The following HUWE1 variants were observed in gnomAD, a reference collection of about 807,000 sequenced individuals.
The protein encoded by HUWE1 is HECT, UBA and WWE domain containing E3 ubiquitin protein ligase 1, also known as E3 ubiquitin-protein ligase HUWE1.
A neutral mutation model predicts 299.4 loss-of-function variants in HUWE1; 18 were observed. That is an observed-to-expected ratio of 0.06 (90% CI 0.04 to 0.09). HUWE1 has a LOEUF of 0.09. Among genes scored for constraint, HUWE1 ranks in the 10% least tolerant of loss-of-function variants. The probability of loss-of-function intolerance (pLI) is 1.00; values close to 1 mark genes in which losing one functional copy is unlikely to be tolerated. For missense variants in HUWE1, 1,832 were observed against 3,462.3 expected, an observed-to-expected ratio of 0.53 and a Z score of 11.82; for synonymous variants, 1,317 against 1,286.1, an observed-to-expected ratio of 1.02 and a Z score of -0.51.
rs1005759774 is a variant in HUWE1, at chrX:53,686,609, G to A, written c.-283C>T. Reference sequence around the variant, plus strand: ...TCACCTCGGCCGCAATGGCTCCGCGGGGCCCGCAGGAGCGTGCGGGGTCCG... The same window carrying A: ...TCACCTCGGCCGCAATGGCTCCGCGAGGCCCGCAGGAGCGTGCGGGGTCCG... On this transcript the variant is annotated 5_prime_UTR_variant, in exon 1 of 84. Transcript: ENST00000262854. The A allele has an allele frequency of 3.5e-5, 4 of 113,465 alleles. No homozygotes were observed. Among genetic ancestry groups the A allele is most frequent in the Non-Finnish European group, 5.5e-5 (3 of 54,179 alleles). The allele number at this position is 113,465 out of a possible 1,213,427, so 9.4% of individuals were successfully genotyped here.
chrX:53,650,472 C>T (rs1170404356), intron 4 of HUWE1, among the ~76,000 whole-genome samples: 2 of 112,213 alleles, frequency 1.8e-5, no homozygotes, highest in East Asian at 2.8e-4. Flanking sequence ...CTCACAAGAT[C>T]CAGTTAGCAT....
At chrX:53,638,804 C>G (rs948734022) in intron 7 of HUWE1, among the ~76,000 whole-genome samples, 6 of 111,909 alleles carry the variant, frequency 5.4e-5, no homozygotes, top group African/African-American at 2.0e-4. Flanking sequence ...CTAGAGTATA[C>G]CAGACCTTCA....
intron 5 of HUWE1, 26 bp from the exon 6 acceptor site, chrX:53,647,600 G>A (rs2068140912): frequency 9.1e-7 from 1 of 1,103,010 alleles, no homozygotes; most frequent in East Asian, 3.0e-5. Context: ...AAAAGAGGAT[G>A]TAAGAATAAG....
intron 23 of HUWE1, among the ~76,000 whole-genome samples, chrX:53,611,513 A>AT (rs1557002217): frequency 2.7e-5 from 3 of 112,024 alleles, no homozygotes; most frequent in Non-Finnish European, 5.6e-5. Context: ...AACAGTCTCA[A>AT]TTTTGGGCAG....
At chrX:53,544,143 A>C (rs1156918444) in intron 72 of HUWE1, among the ~76,000 whole-genome samples, 175 bp from the exon 73 acceptor site, 1 of 112,679 alleles carries the variant, frequency 8.9e-6, no homozygotes, top group Non-Finnish European at 1.9e-5. Context: ...CATTACAGAT[A>C]AGGGCAGGGG....
In HUWE1 at chrX:53,607,671, T is replaced by C; in HGVS notation, c.2348A>G (p.Asn783Ser). Residue 783 changes from asparagine (N) to serine (S), a missense_variant, in exon 25 of 84, where the codon AAC becomes AGC. Physicochemically the swap from Asn to Ser is conservative, Grantham distance 46 (BLOSUM62 1). Around this residue, in one of 15 missense-constraint regions of HUWE1, gnomAD observed 658 missense variants for 1,282.6 expected, o/e 0.51. Coordinates refer to ENST00000262854, the MANE Select transcript of HUWE1 (RefSeq NM_031407.7). ...CTGGCAGTGGTCATCTGTTGTATTG[T>C]TGCTCAGAATAGATTCCACAAATTT... ...VMKFVESILSNNTTDDHCQEF... is the reference protein window; with the variant it reads ...VMKFVESILSSNTTDDHCQEF... The C allele has an allele frequency of 8.3e-7, 1 of 1,206,346 alleles. No individual in the cohort carries two copies. Among genetic ancestry groups the C allele is most frequent in the Non-Finnish European group, 1.1e-6 (1 of 890,813 alleles).
chrX:53,677,670 A>C (rs1569516160), intron 3 of HUWE1, among the ~76,000 whole-genome samples: 1 of 110,723 alleles, frequency 9.0e-6, no homozygotes, highest in Admixed American at 9.6e-5. Context: ...ATAAGAAAAT[A>C]ATCATAGCAA....
intron 3 of HUWE1, among the ~76,000 whole-genome samples, chrX:53,670,917 G>A (rs1227313822): frequency 8.9e-6 from 1 of 112,124 alleles, no homozygotes; most frequent in Non-Finnish European, 1.9e-5. Flanking sequence ...ATACTCTTCT[G>A]ATTTATCAAG....
intron 23 of HUWE1, 21 bp from the exon 24 acceptor site, chrX:53,608,930 G>A (rs782152222): frequency 1.0e-6 from 1 of 980,226 alleles, no homozygotes; most frequent in Non-Finnish European, 1.5e-6. Context: ...AGAAAAGAGT[G>A]AGTTACACAG....
chrX:53,673,578 T>C (rs1426545451), intron 3 of HUWE1, among the ~76,000 whole-genome samples: 1 of 111,861 alleles, frequency 8.9e-6, no homozygotes, highest in East Asian at 2.8e-4. Context: ...TAATGTTCGT[T>C]GTACCCTATA....
At chrX:53,631,810 G>T (rs1156702137) in intron 9 of HUWE1, 196 bp from the exon 10 acceptor site, 1 of 432,264 alleles carries the variant, frequency 2.3e-6, no homozygotes, top group East Asian at 3.8e-5. Context: ...TCTTAGGAAA[G>T]CTCCTTTAAA....
intron 22 of HUWE1, among the ~76,000 whole-genome samples, chrX:53,615,276 G>A (rs1189690763): frequency 9.2e-6 from 1 of 108,544 alleles, no homozygotes; most frequent in East Asian, 2.8e-4. Context: ...TGGAGACAGA[G>A]TCTTGCAGTG....
chrX:53,605,902 A>G (rs1290431137), intron 25 of HUWE1, among the ~76,000 whole-genome samples: 1 of 112,001 alleles, frequency 8.9e-6, no homozygotes, highest in East Asian at 2.8e-4. Context: ...AAAGGTACCA[A>G]GACCATGCAA....
intron 74 of HUWE1, among the ~76,000 whole-genome samples, chrX:53,540,776 G>C (rs1556917917): frequency 9.0e-6 from 1 of 111,506 alleles, no homozygotes; most frequent in East Asian, 2.8e-4. Flanking sequence ...TAAGCAGCAA[G>C]ACACAACCCC....
At chrX:53,566,133 G>GTGTATA (rs782815282) in intron 49 of HUWE1, among the ~76,000 whole-genome samples, 5,039 of 38,640 alleles carry the variant, frequency 0.13, 505 homozygotes, top group East Asian at 0.17. Flanking sequence ...GTGTGTGTGT[G>GTGTATA]TATATATATA....
At chrX:53,681,788 A>G (rs1198607210) in intron 2 of HUWE1, among the ~76,000 whole-genome samples, 1 of 112,564 alleles carries the variant, frequency 8.9e-6, no homozygotes, top group Non-Finnish European at 1.9e-5. Context: ...AGTGAATGAC[A>G]GGACAGACTG....
intron 47 of HUWE1, among the ~76,000 whole-genome samples, chrX:53,571,992 T>C (rs1317577840): frequency 1.8e-5 from 2 of 112,139 alleles, no homozygotes; most frequent in East Asian, 2.8e-4. Context: ...TATATATTCA[T>C]AAGAATGCTC....
At chrX:53,682,999 T>G (rs1557054061) in intron 2 of HUWE1, among the ~76,000 whole-genome samples, 1 of 111,162 alleles carries the variant, frequency 9.0e-6, no homozygotes, top group Non-Finnish European at 1.9e-5. Context: ...CGGATCAGAG[T>G]CATACAAACA....
intron 7 of HUWE1, among the ~76,000 whole-genome samples, chrX:53,640,890 C>T (rs1378792335): frequency 8.9e-6 from 1 of 112,172 alleles, no homozygotes; most frequent in African/African-American, 3.2e-5. Flanking sequence ...ATTGTCAGAA[C>T]ATTTAATTAA....
Sources: gnomAD v4.1 joint callset for allele counts (sites outside exome capture counted in the v4.1 genomes callset) on GRCh38, gnomAD v4.1.1 for gene constraint, gnomAD v4.1.1 regional missense constraint, MANE v1.5 for transcripts, NCBI Gene and HGNC (gene_info 2026-07-23, HGNC 2026-07-21) for gene names.